ANK2: variants seen among roughly 807,000 people sequenced by gnomAD.
ANK2 encodes the protein ankyrin 2, also known as ankyrin-2.
A neutral mutation model predicts 360.5 loss-of-function variants in ANK2; 83 were observed. The ratio of observed to expected loss-of-function variants is 0.23; its 90% confidence interval spans 0.19 to 0.28. ANK2 has a LOEUF of 0.28. ANK2 is among the 10% of genes least tolerant of loss of function. The pLI, the probability that ANK2 is intolerant of heterozygous loss-of-function variation, is 1.00. For missense variants in ANK2, 4,201 were observed against 4,795.7 expected (o/e 0.88, Z 3.66); for synonymous variants, 1,740 against 1,759.5 (o/e 0.99, Z 0.28).
intron 1 of ANK2, among the ~76,000 whole-genome samples, chr4:113,162,664 G>C (rs2154403973): frequency 6.7e-6 from 1 of 149,628 alleles, no homozygotes; most frequent in African/African-American, 2.5e-5. Context: ...TTAGACTACT[G>C]CCTCTACATG....
chr4:112,881,936 G>T, intron 1 of ANK2: 1 of 661,366 alleles, frequency 1.5e-6, no homozygotes, highest in Non-Finnish European at 2.8e-6. Context: ...TTGCATTCAC[G>T]GCTGCCATCT....
chr4:112,893,717 C>T (rs2080878874), intron 1 of ANK2, among the ~76,000 whole-genome samples: 1 of 152,100 alleles, frequency 6.6e-6, no homozygotes, highest in Non-Finnish European at 1.5e-5. Flanking sequence ...TCATGCAGGC[C>T]AGGTGCAGTG....
At chr4:113,128,537 T>C (rs941009507) in intron 1 of ANK2, among the ~76,000 whole-genome samples, 5 of 152,358 alleles carry the variant, frequency 3.3e-5, no homozygotes, top group Middle Eastern at 6.8e-3. Flanking sequence ...TCACCAGGGC[T>C]GGAGTGCAGT....
chr4:112,937,479 C>T (rs1191845465), intron 2 of ANK2, among the ~76,000 whole-genome samples: 1 of 152,106 alleles, frequency 6.6e-6, no homozygotes, highest in Non-Finnish European at 1.5e-5. Context: ...AGGCACCTGC[C>T]ACCACCTCCA....
In ANK2 at chr4:113,356,843, A is replaced by G; in HGVS notation, c.8225A>G (p.His2742Arg). The G allele has an allele frequency of 6.2e-7, 1 of 1,614,048 alleles. No homozygotes were observed. Among genetic ancestry groups the G allele is most frequent in the Non-Finnish European group, 8.5e-7 (1 of 1,179,980 alleles). Reference protein sequence around the residue: ...KSEEEKDSESHLAEDRHAVST... With the variant: ...KSEEEKDSESRLAEDRHAVST... ...GAAGAAGAAAAAGATTCTGAATCCC[A>G]TTTAGCTGAAGACCGTCATGCTGTT... Residue 2742 changes from histidine (H) to arginine (R), a missense_variant, in exon 38 of 46, where the codon CAT (histidine) becomes CGT (arginine). Coordinates refer to ENST00000357077, the MANE Select transcript of ANK2 (RefSeq NM_001148.6).
At chr4:113,362,276 T>G (rs989164014) in intron 39 of ANK2, among the ~76,000 whole-genome samples, 1 of 152,158 alleles carries the variant, frequency 6.6e-6, no homozygotes, top group Non-Finnish European at 1.5e-5. Flanking sequence ...ATAGGGCATA[T>G]TCTTAGAAGT....
Position 113,202,658 on chromosome 4 carries a change from A to G in ANK2, c.384+3549A>G, listed in dbSNP as rs943722372. The stretch of plus-strand genomic sequence containing the variant: ...AAATTTTCTGAAAAAACCTTCAAGG[A>G]ATATATTCAGTAAAATTTTTGGAAT... On this transcript the variant is annotated intron_variant, in intron 4 of 45. Coordinates refer to ENST00000357077, the MANE Select transcript of ANK2 (RefSeq NM_001148.6). 4.6e-5 allele frequency among the ~76,000 whole-genome samples: 7 copies of G among 152,228 alleles called. No homozygotes were observed. The East Asian group carries it at 1.3e-3, about 29-fold the overall frequency.
At chr4:113,150,331 C>T (rs376819074) in intron 1 of ANK2, among the ~76,000 whole-genome samples, 1 of 152,272 alleles carries the variant, frequency 6.6e-6, no homozygotes, top group East Asian at 1.9e-4. Context: ...GCTTCCAGGA[C>T]CACCCTCCTC....
At chr4:112,852,594 T>C (rs538701380) in intron 1 of ANK2, among the ~76,000 whole-genome samples, 7 of 152,218 alleles carry the variant, frequency 4.6e-5, no homozygotes, top group Non-Finnish European at 7.4e-5. Context: ...AAGTTAAATA[T>C]CTAGGGGAAG....
intron 1 of ANK2, among the ~76,000 whole-genome samples, chr4:113,146,687 T>G (rs1280464942): frequency 1.3e-5 from 2 of 149,924 alleles, no homozygotes; most frequent in Non-Finnish European, 2.9e-5. Context: ...TTTTTTTTTT[T>G]GGCCAGGAAT....
At chr4:113,095,251 A>T (rs1334491650) in intron 1 of ANK2, among the ~76,000 whole-genome samples, 1 of 152,158 alleles carries the variant, frequency 6.6e-6, no homozygotes, top group African/African-American at 2.4e-5. Context: ...TTTTTCTAGA[A>T]GAGACTTTTT....
At chr4:113,335,092 T>C (rs73841961) in intron 29 of ANK2, among the ~76,000 whole-genome samples, 4,070 of 152,244 alleles carry the variant, frequency 0.027, 176 homozygotes, top group African/African-American at 0.091. Context: ...TTCAGTGATC[T>C]ATATAGTGCA....
chr4:113,193,961 C>T (rs377565270), intron 2 of ANK2, among the ~76,000 whole-genome samples: 5 of 152,040 alleles, frequency 3.3e-5, no homozygotes, highest in Non-Finnish European at 7.4e-5. Flanking sequence ...CAACATGTGC[C>T]GTATGCAAAG....
intron 2 of ANK2, among the ~76,000 whole-genome samples, chr4:112,956,603 C>G (rs1482826375): frequency 6.6e-6 from 1 of 152,214 alleles, no homozygotes; most frequent in Non-Finnish European, 1.5e-5. Context: ...AATTCATGTC[C>G]TAAGCAGCAT....
chr4:113,359,780 C>T (rs747864374), intron 38 of ANK2, among the ~76,000 whole-genome samples: 1 of 152,144 alleles, frequency 6.6e-6, no homozygotes, highest in African/African-American at 2.4e-5. Flanking sequence ...TTTCACATAA[C>T]ATGAAATTCT....
At chr4:113,059,416 T>C (rs1054786361) in intron 1 of ANK2, among the ~76,000 whole-genome samples, 11 of 152,178 alleles carry the variant, frequency 7.2e-5, no homozygotes, top group Non-Finnish European at 1.3e-4. Flanking sequence ...ATATGTTTAA[T>C]AATTGTCTAC....
chr4:113,027,282 C>T (rs116170925), intron 2 of ANK2, among the ~76,000 whole-genome samples: 1,757 of 152,194 alleles, frequency 0.012, 38 homozygotes, highest in African/African-American at 0.04. Flanking sequence ...TCAGTACCAT[C>T]GCTAACTCAC....
intron 2 of ANK2, among the ~76,000 whole-genome samples, chr4:113,040,425 T>C (rs560145385): frequency 1.3e-5 from 2 of 152,224 alleles, no homozygotes; most frequent in African/African-American, 2.4e-5. Flanking sequence ...ATTACCTCTG[T>C]GGTAAACCTT....
chr4:112,995,307 A>C (rs2048163119), intron 2 of ANK2, among the ~76,000 whole-genome samples: 1 of 152,034 alleles, frequency 6.6e-6, no homozygotes, highest in African/African-American at 2.4e-5. Context: ...AGCCATTCTG[A>C]CTGGTGTGAG....
Sources: allele counts gnomAD v4.1 joint callset (sites outside exome capture counted in the v4.1 genomes callset), GRCh38; gene constraint gnomAD v4.1.1; transcripts MANE v1.5; gene names NCBI Gene and HGNC (gene_info 2026-07-23, HGNC 2026-07-21).